The following MLLT3 variants were observed in gnomAD, a reference collection of about 807,000 sequenced individuals.
The protein encoded by MLLT3 is protein AF-9.
Under a neutral mutation model 53.2 loss-of-function variants are expected in MLLT3, and 4 were observed. That is an observed-to-expected ratio of 0.08 (90% CI 0.04 to 0.17). MLLT3 has a LOEUF of 0.17. Ranked by LOEUF, MLLT3 falls within the 10% of genes least tolerant of loss-of-function variation. The probability of loss-of-function intolerance (pLI) is 1.00; values close to 1 mark genes in which losing one functional copy is unlikely to be tolerated. For synonymous variants in MLLT3, 283 were observed against 230.6 expected (o/e 1.23, Z -2.06); for missense variants, 569 against 684.0 (o/e 0.83, Z 1.87).
chr9:20,561,530 A>T (rs574021967), intron 2 of MLLT3, among the ~76,000 whole-genome samples: 24 of 152,186 alleles, frequency 1.6e-4, no homozygotes, highest in Non-Finnish European at 2.6e-4. Context: ...CAATCATTGC[A>T]TTCCAGTTGA....
chr9:20,431,796 G>A (rs1469667162), intron 4 of MLLT3, among the ~76,000 whole-genome samples: 1 of 152,112 alleles, frequency 6.6e-6, no homozygotes, highest in Non-Finnish European at 1.5e-5. Flanking sequence ...TTTGGACTAT[G>A]CACAGCAGTG....
chr9:20,379,004 C>T (rs1821844450), intron 5 of MLLT3, among the ~76,000 whole-genome samples: 1 of 152,066 alleles, frequency 6.6e-6, no homozygotes, highest in Non-Finnish European at 1.5e-5. Flanking sequence ...TCCATGCACA[C>T]ATCTTATATA....
intron 5 of MLLT3, among the ~76,000 whole-genome samples, chr9:20,389,537 G>A (rs1822133224): frequency 6.6e-6 from 1 of 152,172 alleles, no homozygotes; most frequent in Admixed American, 6.5e-5. Context: ...TGCTTTGGGA[G>A]GCCAAGGTGG....
At chr9:20,513,966 T>C (rs186841191) in intron 2 of MLLT3, among the ~76,000 whole-genome samples, 50 of 152,240 alleles carry the variant, frequency 3.3e-4, no homozygotes, top group African/African-American at 1.1e-3. Context: ...GTGGATTTGG[T>C]GGTCATATTC....
At chr9:20,364,237 G>A (rs962692524) in intron 6 of MLLT3, among the ~76,000 whole-genome samples, 6 of 152,192 alleles carry the variant, frequency 3.9e-5, no homozygotes, top group African/African-American at 1.4e-4. Flanking sequence ...ATACCAGCAT[G>A]TATAAACATA....
rs1042418669 is a variant in MLLT3, at chr9:20,343,621, C to T, written c.*2822G>A. The T allele has an allele frequency of 8.7e-6, 2 of 229,006 alleles. No individual in the cohort carries two copies. Among genetic ancestry groups the T allele is most frequent in the Admixed American group, 1.1e-4 (2 of 17,626 alleles). The allele number at this position is 229,006 out of a possible 1,614,324, so 14.2% of individuals were successfully genotyped here. Reference sequence around the variant, plus strand: ...AGGAGCTCTGTACATATATTTTTTCCCCTGGCTGATCACTGAGGAAAAATT... The same window carrying T: ...AGGAGCTCTGTACATATATTTTTTCTCCTGGCTGATCACTGAGGAAAAATT... On this transcript the variant is annotated 3_prime_UTR_variant, in exon 11 of 11. Coordinates refer to ENST00000380338, the MANE Select transcript of MLLT3 (RefSeq NM_004529.4).
chr9:20,357,756 T>C (rs1299950926), intron 8 of MLLT3, among the ~76,000 whole-genome samples: 2 of 152,148 alleles, frequency 1.3e-5, no homozygotes, highest in Non-Finnish European at 1.5e-5. Context: ...GAAAAGGCAA[T>C]GGACATTTCA....
chr9:20,484,606 C>T (rs6475439), intron 2 of MLLT3, among the ~76,000 whole-genome samples: 110,771 of 151,984 alleles, frequency 0.73, 40,483 homozygotes, highest in Middle Eastern at 0.86. Flanking sequence ...CACCACATAC[C>T]GCCATGATTT....
intron 2 of MLLT3, among the ~76,000 whole-genome samples, chr9:20,522,678 G>C (rs1038922416): frequency 4.0e-5 from 6 of 151,750 alleles, no homozygotes; most frequent in Non-Finnish European, 8.8e-5. Context: ...AAAAACAGTT[G>C]TTTTTTTTCT....
intron 5 of MLLT3, among the ~76,000 whole-genome samples, chr9:20,368,539 A>T (rs754039610): frequency 6.6e-6 from 1 of 152,190 alleles, no homozygotes; most frequent in Non-Finnish European, 1.5e-5. Context: ...ACAAGAGAAG[A>T]TGGTGGTCAT....
At chr9:20,471,425 C>T (rs1824392955) in intron 2 of MLLT3, among the ~76,000 whole-genome samples, 1 of 151,956 alleles carries the variant, frequency 6.6e-6, no homozygotes, top group African/African-American at 2.4e-5. Flanking sequence ...GCGTACTTTC[C>T]ATTCTACACC....
chr9:20,620,903 C>T lies in MLLT3; in HGVS notation c.13-69G>A, dbSNP rs1820985343. On this transcript the variant is annotated intron_variant, in intron 1 of 10. Transcript: ENST00000380338. The surrounding 1 kb of genome is among the most constrained non-coding windows in gnomAD (Gnocchi z 6.1). The stretch of plus-strand genomic sequence containing the variant: ...CGAGGTTTCGGCAGTGAACGTTGCG[C>T]CTGACATTTTTTTCCTCCTTCTTGA... 6.4e-7 allele frequency: 1 copy of T among 1,551,752 alleles called. No homozygotes were observed. The highest frequency in any genetic ancestry group is 1.4e-5 in the African/African-American group (1 of 73,436).
At chr9:20,391,104 G>A (rs545340239) in intron 5 of MLLT3, among the ~76,000 whole-genome samples, 1 of 152,272 alleles carries the variant, frequency 6.6e-6, no homozygotes, top group East Asian at 1.9e-4. Context: ...TCACCTGTTG[G>A]CAATTTTGGA....
intron 10 of MLLT3, among the ~76,000 whole-genome samples, 167 bp from the exon 11 acceptor site, chr9:20,346,741 A>G (rs1183312471): frequency 1.3e-5 from 2 of 152,200 alleles, no homozygotes; most frequent in African/African-American, 2.4e-5. Flanking sequence ...AGTCAACTTG[A>G]TAAGTCAAAG....
chr9:20,396,506 C>A (rs934657943), intron 5 of MLLT3, among the ~76,000 whole-genome samples: 1 of 152,126 alleles, frequency 6.6e-6, no homozygotes, highest in African/African-American at 2.4e-5. Flanking sequence ...TTTCCCAGGT[C>A]TCAAGAGTCT....
chr9:20,484,143 A>C (rs1011959516), intron 2 of MLLT3, among the ~76,000 whole-genome samples: 1 of 152,210 alleles, frequency 6.6e-6, no homozygotes, highest in African/African-American at 2.4e-5. Context: ...GGGCACATGA[A>C]CATATAATAA....
intron 3 of MLLT3, among the ~76,000 whole-genome samples, chr9:20,449,535 G>T (rs977874053): frequency 2.0e-5 from 3 of 152,050 alleles, no homozygotes; most frequent in African/African-American, 2.4e-5. Context: ...GCTCTCTTTG[G>T]GGCAGGTGTG....
At chr9:20,421,884 G>A (rs896948304) in intron 4 of MLLT3, among the ~76,000 whole-genome samples, 108 of 151,214 alleles carry the variant, frequency 7.1e-4, no homozygotes, top group African/African-American at 2.3e-3. Flanking sequence ...AAGCAAAATG[G>A]ACTGCTGATG....
At chr9:20,598,118 T>C (rs1820323850) in intron 2 of MLLT3, among the ~76,000 whole-genome samples, 1 of 152,188 alleles carries the variant, frequency 6.6e-6, no homozygotes, top group Non-Finnish European at 1.5e-5. Flanking sequence ...AAGAATTTCA[T>C]TACATTGTTC....
Sources: gnomAD v4.1 joint callset for allele counts (sites outside exome capture counted in the v4.1 genomes callset) on GRCh38, gnomAD v4.1.1 for gene constraint, Gnocchi (gnomAD v3.1) non-coding constraint, MANE v1.5 for transcripts, NCBI Gene and HGNC (gene_info 2026-07-23, HGNC 2026-07-21) for gene names.